GRAMD1C: variants seen among roughly 807,000 people sequenced by gnomAD.
GRAMD1C encodes protein Aster-C.
Under a neutral mutation model 97.8 loss-of-function variants are expected in GRAMD1C, and 89 were observed. The ratio of observed to expected loss-of-function variants is 0.91; its 90% CI spans 0.77 to 1.09. The LOEUF (loss-of-function observed/expected upper bound fraction) is 1.09, where lower values mean the gene tolerates loss of function less well. GRAMD1C is among the 50% of genes least tolerant of loss of function. The pLI, the probability that GRAMD1C is intolerant of heterozygous loss-of-function variation, is 0.00. For missense variants in GRAMD1C, 740 were observed against 766.4 expected, an observed-to-expected ratio of 0.97 and a Z score of 0.41; for synonymous variants, 256 against 267.0, an observed-to-expected ratio of 0.96 and a Z score of 0.40.
intron 6 of GRAMD1C, chr3:113,890,696 T>C: frequency 1.5e-6 from 1 of 688,512 alleles, no homozygotes; most frequent in Non-Finnish European, 2.6e-6. Flanking sequence ...CATCGCAGAC[T>C]ATGCTTGGTT....
At chr3:113,887,496 C>G (rs1357547326) in intron 6 of GRAMD1C, among the ~76,000 whole-genome samples, 2 of 151,688 alleles carry the variant, frequency 1.3e-5, no homozygotes, top group Non-Finnish European at 1.5e-5. Context: ...GTCAGGAGAT[C>G]GAGACCATCC....
At chr3:113,927,976 C>G (rs1264158124) in intron 10 of GRAMD1C, among the ~76,000 whole-genome samples, 3 of 152,186 alleles carry the variant, frequency 2.0e-5, no homozygotes, top group Non-Finnish European at 4.4e-5. Context: ...CTGGGTGTCT[C>G]TCTGCCTCAG....
intron 2 of GRAMD1C, among the ~76,000 whole-genome samples, chr3:113,861,507 C>A (rs968137277): frequency 1.1e-4 from 17 of 151,948 alleles, no homozygotes; most frequent in African/African-American, 4.1e-4. Context: ...CAAAGTGAGA[C>A]CCCATTTCTG....
intron 8 of GRAMD1C, among the ~76,000 whole-genome samples, chr3:113,907,623 C>T (rs190095371): frequency 4.6e-5 from 7 of 151,954 alleles, no homozygotes; most frequent in Admixed American, 3.3e-4. Flanking sequence ...TTGGAAATAA[C>T]AAAAAGTCAA....
At chr3:113,936,220 TGAG>T (rs763243027) in intron 13 of GRAMD1C, 43 bp from the exon 14 acceptor site, 1 of 1,118,782 alleles carries the variant, frequency 8.9e-7, no homozygotes, top group Non-Finnish European at 1.3e-6. Flanking sequence ...ATCTTATAGT[TGAG>T]GAGCTTTCCT....
chr3:113,917,762 G>A (rs1577203566), intron 10 of GRAMD1C, among the ~76,000 whole-genome samples: 1 of 149,174 alleles, frequency 6.7e-6, no homozygotes, highest in African/African-American at 2.5e-5. Flanking sequence ...GTGCAATCTC[G>A]GCTCACTGCA....
chr3:113,912,104 T>A (rs2107333623), intron 9 of GRAMD1C, among the ~76,000 whole-genome samples: 1 of 152,272 alleles, frequency 6.6e-6, no homozygotes, highest in South Asian at 2.1e-4. Context: ...AACAGAATAA[T>A]TTGCGGCTAC....
intron 9 of GRAMD1C, among the ~76,000 whole-genome samples, chr3:113,912,841 G>T (rs1399520904): frequency 6.6e-6 from 1 of 152,152 alleles, no homozygotes; most frequent in Non-Finnish European, 1.5e-5. Context: ...ATAGGAGAGA[G>T]AAAGGGAAAG....
rs1577180580 is a variant in GRAMD1C, at chr3:113,898,792, TAGA to T, written c.541-2238_541-2236del. Among the ~76,000 whole-genome samples the T allele has an allele frequency of 3.9e-5, 6 of 152,330 alleles. No homozygotes were observed. The East Asian group carries it at 1.2e-3, about 29-fold the overall frequency. The stretch of plus-strand genomic sequence containing the variant: ...TCACTTAACTTGAATAGCTTTATTT[TAGA>T]TAATTGGATATTTTTGACTTTTTGA... On this transcript the variant is annotated intron_variant, in intron 6 of 17. Coordinates refer to ENST00000358160, the MANE Select transcript of GRAMD1C (RefSeq NM_017577.5).
chr3:113,907,979 A>G (rs1015862635), intron 8 of GRAMD1C, among the ~76,000 whole-genome samples: 2 of 152,220 alleles, frequency 1.3e-5, no homozygotes, highest in African/African-American at 4.8e-5. Flanking sequence ...TAATCTCTGC[A>G]TGAAGAATCA....
chr3:113,849,441 G>T (rs1933764172), intron 2 of GRAMD1C, among the ~76,000 whole-genome samples: 1 of 151,916 alleles, frequency 6.6e-6, no homozygotes, highest in Non-Finnish European at 1.5e-5. Flanking sequence ...GGACCCTGCA[G>T]CCTTCCGCAG....
At chr3:113,882,679 A>G (rs1935311233) in intron 5 of GRAMD1C, 73 bp from the exon 6 acceptor site, 1 of 874,418 alleles carries the variant, frequency 1.1e-6, no homozygotes, top group Non-Finnish European at 2.0e-6. Context: ...GCAAGTCCGC[A>G]TAGACTTTCA....
At chr3:113,904,376 A>G in intron 8 of GRAMD1C, 104 bp downstream of exon 8, 1 of 813,052 alleles carries the variant, frequency 1.2e-6, no homozygotes, top group Non-Finnish European at 1.9e-6. Context: ...AAAATAAGAT[A>G]TCAGACTCCT....
chr3:113,890,604 G>A, intron 6 of GRAMD1C: 2 of 563,300 alleles, frequency 3.6e-6, no homozygotes, highest in Non-Finnish European at 6.4e-6. Flanking sequence ...ATAGGGACCT[G>A]GCTACCCCAC....
chr3:113,918,136 T>C (rs1404887507), intron 10 of GRAMD1C, among the ~76,000 whole-genome samples: 3 of 152,192 alleles, frequency 2.0e-5, no homozygotes, highest in Non-Finnish European at 4.4e-5. Context: ...GATTATATTA[T>C]GAGTTTTGTA....
intron 10 of GRAMD1C, among the ~76,000 whole-genome samples, chr3:113,918,683 A>G (rs1282882337): frequency 6.6e-6 from 1 of 152,164 alleles, no homozygotes; most frequent in East Asian, 1.9e-4. Context: ...TTACCTGGTA[A>G]TCAAAGTTGT....
rs1304057256 is a variant in GRAMD1C, at chr3:113,934,736, TA to T, written c.1456+202del. 5.3e-5 allele frequency among the ~76,000 whole-genome samples: 8 copies of T among 152,114 alleles called. 1 individual carries two copies. Among genetic ancestry groups the T allele is most frequent in the Admixed American group, 2.0e-4 (3 of 15,260 alleles). Reference sequence around the variant, plus strand: ...AATTTTCATTGGTCAAACAAACACTTATTTTTTTTATTTTTTATTTTTTTTG... The same window carrying T: ...AATTTTCATTGGTCAAACAAACACTTTTTTTTTTATTTTTTATTTTTTTTG... On this transcript the variant is annotated intron_variant, in intron 13 of 17. Transcript: ENST00000358160.
intron 10 of GRAMD1C, among the ~76,000 whole-genome samples, chr3:113,923,729 CT>C (rs890964329): frequency 6.6e-6 from 1 of 151,984 alleles, no homozygotes; most frequent in African/African-American, 2.4e-5. Flanking sequence ...CTAAGGTTTC[CT>C]TTTTTTGTTG....
Position 113,875,476 on chromosome 3 carries a change from GTATA to G in GRAMD1C, c.260-5_260-2del. 8.6e-7 allele frequency: 1 copy of G among 1,168,308 alleles called. No individual in the cohort carries two copies. The highest frequency in any genetic ancestry group is 1.3e-6 in the Non-Finnish European group (1 of 772,368). The allele number at this position is 1,168,308 out of a possible 1,614,324, so 72.4% of individuals were successfully genotyped here. On this transcript the variant is annotated splice_region_variant and splice_polypyrimidine_tract_variant and intron_variant, in intron 3 of 17. Transcript: ENST00000358160. ...TGAATAAGCTGTATCTTATTTTTGT[GTATA>G]TAGATTATGCTTGTGCTCTTCAGAG... is the stretch of plus-strand genomic sequence containing the variant.
Sources: gnomAD v4.1 joint callset for allele counts (sites outside exome capture counted in the v4.1 genomes callset) on GRCh38, gnomAD v4.1.1 for gene constraint, MANE v1.5 for transcripts, NCBI Gene and HGNC (gene_info 2026-07-23, HGNC 2026-07-21) for gene names.